The following BMP5 variants were observed in gnomAD, a reference collection of about 807,000 sequenced individuals.
The protein encoded by BMP5 is bone morphogenetic protein 5.
A neutral mutation model predicts 46.6 loss-of-function variants in BMP5; 23 were observed. The ratio of observed to expected loss-of-function variants is 0.49; its 90% CI spans 0.35 to 0.70. The LOEUF (loss-of-function observed/expected upper bound fraction) is 0.70, where lower values mean the gene tolerates loss of function less well. Ranked by LOEUF, BMP5 falls within the 30% of genes least tolerant of loss-of-function variation. The pLI, the probability that BMP5 is intolerant of heterozygous loss-of-function variation, is 0.00. For synonymous variants in BMP5, 204 were observed against 191.9 expected (o/e 1.06, Z -0.52); for missense variants, 545 against 565.6 (o/e 0.96, Z 0.37).
chr6:55,783,768 T>TA (rs1775381783), intron 3 of BMP5, among the ~76,000 whole-genome samples: 1 of 151,900 alleles, frequency 6.6e-6, no homozygotes, highest in Admixed American at 6.6e-5. Flanking sequence ...CAACAAAAAC[T>TA]AAAAAATATT....
At chr6:55,830,066 T>TTACC (rs1265271600) in intron 1 of BMP5, among the ~76,000 whole-genome samples, 2 of 152,038 alleles carry the variant, frequency 1.3e-5, no homozygotes, top group Non-Finnish European at 2.9e-5. Context: ...AAATTAAACT[T>TTACC]TACCAGTCTT....
intron 2 of BMP5, among the ~76,000 whole-genome samples, chr6:55,818,790 A>G (rs1776338503): frequency 6.6e-6 from 1 of 152,218 alleles, no homozygotes. Flanking sequence ...CAGGATAGCA[A>G]TCTTTAAATA....
intron 4 of BMP5, among the ~76,000 whole-genome samples, chr6:55,769,614 T>A (rs892653145): frequency 1.1e-4 from 16 of 151,920 alleles, no homozygotes; most frequent in Non-Finnish European, 2.1e-4. Context: ...CAACCCCTCA[T>A]AAATCATGAG....
At chr6:55,778,043 C>T (rs1775219590) in intron 3 of BMP5, among the ~76,000 whole-genome samples, 1 of 151,982 alleles carries the variant, frequency 6.6e-6, no homozygotes, top group South Asian at 2.1e-4. Context: ...AAGAGTAGTA[C>T]CAGCTCAAAG....
chr6:55,827,261 G>A (rs1179263792), intron 1 of BMP5, among the ~76,000 whole-genome samples: 1 of 151,714 alleles, frequency 6.6e-6, no homozygotes, highest in African/African-American at 2.4e-5. Context: ...ATTCTAAGAG[G>A]AAGGGTTTTC....
chr6:55,800,821 T>G (rs1005463633), intron 2 of BMP5, among the ~76,000 whole-genome samples: 29 of 152,346 alleles, frequency 1.9e-4, no homozygotes, highest in African/African-American at 6.5e-4. Context: ...CCATGTTCAC[T>G]TAGCCAATAG....
chr6:55,764,818 G>A (rs1774883377), intron 4 of BMP5, among the ~76,000 whole-genome samples: 2 of 151,718 alleles, frequency 1.3e-5, no homozygotes, highest in African/African-American at 4.8e-5. Context: ...AAGAACAATT[G>A]GTTAATGAAC....
chr6:55,841,311 CCTT>C (rs1398020147), intron 1 of BMP5, among the ~76,000 whole-genome samples: 2 of 152,044 alleles, frequency 1.3e-5, no homozygotes, highest in Non-Finnish European at 1.5e-5. Context: ...TCTCTTCTCT[CCTT>C]CTAGAACTTC....
At chr6:55,853,138 TAAATAAAATAAAATAA>T (rs1777288212) in intron 1 of BMP5, among the ~76,000 whole-genome samples, 1 of 107,442 alleles carries the variant, frequency 9.3e-6, no homozygotes, top group Non-Finnish European at 1.9e-5. Context: ...CTCAAATACA[TAAATAAAATAAAATAA>T]AATAAAATAA....
At chr6:55,847,363 A>G (rs1323978003) in intron 1 of BMP5, among the ~76,000 whole-genome samples, 1 of 151,944 alleles carries the variant, frequency 6.6e-6, no homozygotes, top group Non-Finnish European at 1.5e-5. Context: ...ACTTGTATGC[A>G]ATGTGTCCTA....
At chr6:55,787,419 G>A (rs1378005977) in intron 3 of BMP5, among the ~76,000 whole-genome samples, 1 of 151,546 alleles carries the variant, frequency 6.6e-6, no homozygotes, top group Non-Finnish European at 1.5e-5. Flanking sequence ...GTGGACTTTA[G>A]ATACTGGAAT....
At chr6:55,803,150 G>T (rs1364885042) in intron 2 of BMP5, among the ~76,000 whole-genome samples, 8 of 137,410 alleles carry the variant, frequency 5.8e-5, no homozygotes, top group African/African-American at 2.1e-4. Flanking sequence ...GCTGGGGTGG[G>T]GGGGTGGGGG....
At chr6:55,777,574 C>A (rs1775206558) in intron 3 of BMP5, among the ~76,000 whole-genome samples, 1 of 151,950 alleles carries the variant, frequency 6.6e-6, no homozygotes. Flanking sequence ...GGTAAGGATA[C>A]CAGCTTGAGC....
chr6:55,773,998 A>C, intron 4 of BMP5, 51 bp downstream of exon 4: 1 of 1,587,476 alleles, frequency 6.3e-7, no homozygotes. Flanking sequence ...GATTTGCAGC[A>C]TACGACCCCA....
At chr6:55,758,869 A>C in intron 6 of BMP5, 136 bp downstream of exon 6, 1 of 709,344 alleles carries the variant, frequency 1.4e-6, no homozygotes, top group Non-Finnish European at 2.5e-6. Context: ...TTGTTACTTC[A>C]GCTCTAAAAA....
At chr6:55,802,393 G>A (rs780450431) in intron 2 of BMP5, among the ~76,000 whole-genome samples, 5 of 152,150 alleles carry the variant, frequency 3.3e-5, no homozygotes, top group Admixed American at 6.5e-5. Flanking sequence ...TATGAGTAAT[G>A]AGGAGTATGC....
At chr6:55,795,523 A>G (rs1775689824) in intron 2 of BMP5, among the ~76,000 whole-genome samples, 1 of 152,132 alleles carries the variant, frequency 6.6e-6, no homozygotes, top group African/African-American at 2.4e-5. Context: ...ACATCATAGA[A>G]GTCACTTTAA....
intron 1 of BMP5, among the ~76,000 whole-genome samples, chr6:55,820,394 G>T (rs1173596078): frequency 6.6e-6 from 1 of 151,750 alleles, no homozygotes; most frequent in Admixed American, 6.6e-5. Flanking sequence ...TCTCTTTTCA[G>T]CAAATAAAAT....
At chr6:55,799,347 C>T (rs1487379411) in intron 2 of BMP5, among the ~76,000 whole-genome samples, 1 of 151,980 alleles carries the variant, frequency 6.6e-6, no homozygotes, top group East Asian at 1.9e-4. Context: ...CTTCAAATAA[C>T]CTCTATCAGT....
Sources: gnomAD v4.1 joint callset for allele counts (sites outside exome capture counted in the v4.1 genomes callset) on GRCh38, gnomAD v4.1.1 for gene constraint, MANE v1.5 for transcripts, NCBI Gene and HGNC (gene_info 2026-07-23, HGNC 2026-07-21) for gene names.